THAP12: variants seen among roughly 807,000 people sequenced by gnomAD.
THAP12 encodes the protein THAP domain containing 12.
Under a neutral mutation model 63.0 loss-of-function variants are expected in THAP12, and 20 were observed. The ratio of observed to expected loss-of-function variants is 0.32; its 90% CI spans 0.22 to 0.46. The LOEUF is 0.46. Among genes scored for constraint, THAP12 ranks in the 20% least tolerant of loss-of-function variants. The pLI is 1.00. For synonymous variants in THAP12, 264 were observed against 328.4 expected (o/e 0.80, Z 2.12); for missense variants, 568 against 908.2 (o/e 0.63, Z 4.81).
intron 1 of THAP12, among the ~76,000 whole-genome samples, chr11:76,380,227 T>C (rs943940623): frequency 2.6e-5 from 4 of 151,570 alleles, no homozygotes; most frequent in Non-Finnish European, 5.9e-5. Context: ...AGCCAGAAAA[T>C]GAATCCTGAA....
intron 2 of THAP12, chr11:76,361,415 C>G: frequency 5.6e-6 from 1 of 178,608 alleles, no homozygotes; most frequent in South Asian, 1.4e-4. Context: ...CCAAAATAAT[C>G]TGCACTCTTG....
rs760853641 is a variant in THAP12 at position 76,351,973 on chromosome 11, G to C, written c.1177C>G (p.Arg393Gly). 2.5e-5 allele frequency: 40 copies of C among 1,604,684 alleles called. No homozygotes were observed. The highest frequency in any genetic ancestry group is 2.5e-5 in the Non-Finnish European group (30 of 1,177,456). The change falls in exon 5 of 5, where the codon CGA (arginine) becomes GGA (glycine). Residue 393 changes from arginine (R) to glycine (G), a missense_variant. Transcript: ENST00000260045. ...AGTTCTAAAAGCAGTTGTGGTGATC[G>C]ATGGAAAAAAGAACAAACTTCCTCA... ...TIEEVCSFFH[R>G]SPQLLLELDN...
chr11:76,355,468 G>A lies in THAP12; in HGVS notation c.355+150C>T, dbSNP rs111853289. The stretch of plus-strand genomic sequence containing the variant: ...ACTAAAATTAGACTTTAGTCTCATA[G>A]ATAATTCCAAAACACAGGACAAAAT... On this transcript the variant is annotated intron_variant, in intron 4 of 4. Transcript: ENST00000260045. 1.2e-4 allele frequency: 81 copies of A among 671,394 alleles called. No homozygotes were observed. The African/African-American group carries it at 1.3e-3, about 11-fold the overall frequency. 41.6% of individuals were successfully genotyped at this position (671,394 alleles called of 1,614,324 possible).
In THAP12 at chr11:76,362,105, A is replaced by G. The variant is rs555339006; in HGVS notation, c.211-1042T>C. On this transcript the variant is annotated intron_variant, in intron 2 of 4. Transcript: ENST00000260045. Reference sequence around the variant, plus strand: ...ACTGCCAGCCCTGAGGAGGCTGAGTAAAAGACAAGAAGCTTATTAAGAGGG... The same window carrying G: ...ACTGCCAGCCCTGAGGAGGCTGAGTGAAAGACAAGAAGCTTATTAAGAGGG... 2.4e-3 allele frequency among the ~76,000 whole-genome samples: 370 copies of G among 152,320 alleles called. 2 individuals carry two copies. The highest frequency in any genetic ancestry group is 8.8e-3 in the African/African-American group (365 of 41,572).
At chr11:76,364,808 T>A (rs1283226974) in intron 2 of THAP12, among the ~76,000 whole-genome samples, 3 of 152,120 alleles carry the variant, frequency 2.0e-5, no homozygotes, top group African/African-American at 7.2e-5. Context: ...ACATAAAAAT[T>A]AAAAGTTGGT....
rs183238365 is a variant in THAP12 at position 76,376,456 on chromosome 11, A to T, written c.89+4292T>A. On this transcript the variant is annotated intron_variant, in intron 1 of 4. Coordinates refer to ENST00000260045, the MANE Select transcript of THAP12 (RefSeq NM_004705.4). Reference sequence around the variant, plus strand: ...GTCCACTCAATACAAGGAAGAAACAACAGCCAAAGCGTCCAGAATCATCAC... The same window carrying T: ...GTCCACTCAATACAAGGAAGAAACATCAGCCAAAGCGTCCAGAATCATCAC... Among the ~76,000 whole-genome samples, 585 of 152,286 alleles carry T rather than the reference A, an allele frequency of 3.8e-3. 2 individuals are homozygous for T. The highest frequency in any genetic ancestry group is 0.013 in the African/African-American group (560 of 41,552).
chr11:76,368,573 C>G (rs747139970), intron 1 of THAP12: 8 of 152,136 alleles, frequency 5.3e-5, no homozygotes, highest in Non-Finnish European at 1.0e-4. Flanking sequence ...TACTGTAAAG[C>G]TTATTAAGAC....
rs1374170136 is a variant in THAP12 at position 76,370,878 on chromosome 11, CAT to C, written c.90-4908_90-4907del. Among the ~76,000 whole-genome samples the C allele has an allele frequency of 4.8e-4, 71 of 148,932 alleles. No individual in the cohort carries two copies. In the East Asian group the frequency reaches 0.012, roughly 25 times the overall value. Reference sequence around the variant, plus strand: ...TATATGACCACAATAAGTGTTTTCACATGTGTATTCATATGTGTATTATGAAT... The same window carrying C: ...TATATGACCACAATAAGTGTTTTCACGTGTATTCATATGTGTATTATGAAT... On this transcript the variant is annotated intron_variant, in intron 1 of 4. Coordinates refer to ENST00000260045, the MANE Select transcript of THAP12 (RefSeq NM_004705.4).
At chr11:76,361,651 C>T (rs1472149280) in intron 2 of THAP12, among the ~76,000 whole-genome samples, 1 of 152,118 alleles carries the variant, frequency 6.6e-6, no homozygotes, top group Non-Finnish European at 1.5e-5. Context: ...TGAACTAGAT[C>T]AACATTTCCT....
chr11:76,371,846 CTT>C (rs1286180404), intron 1 of THAP12, among the ~76,000 whole-genome samples: 4 of 108,350 alleles, frequency 3.7e-5, no homozygotes, highest in Non-Finnish European at 6.8e-5. Context: ...GAGTCTTGCT[CTT>C]GTCGCTCAGG....
intron 3 of THAP12, chr11:76,359,267 T>C (rs1283181637): frequency 5.3e-5 from 8 of 152,192 alleles, no homozygotes; most frequent in Non-Finnish European, 1.2e-4. Context: ...ATTCTAATAT[T>C]CTTTTCAAAA....
At position 76,381,131 on chromosome 11, in the gene THAP12, G is replaced by C. The variant is rs1946758003; in HGVS notation, c.-295C>G. On this transcript the variant is annotated 5_prime_UTR_variant, in exon 1 of 5. Transcript: ENST00000260045. ...GACGCTGCCGCCTCCTTCCCACAAT[G>C]CACCCTGACGCCCGGGGGTGCCCTC... Among the ~76,000 whole-genome samples, 1 of 152,012 alleles carries C rather than the reference G, an allele frequency of 6.6e-6. No homozygotes were observed.
At chr11:76,371,769 G>T (rs927995130) in intron 1 of THAP12, among the ~76,000 whole-genome samples, 39 of 150,956 alleles carry the variant, frequency 2.6e-4, no homozygotes, top group African/African-American at 9.3e-4. Flanking sequence ...CAAATCCAAC[G>T]GTCACTTTCC....
At chr11:76,379,440 C>G (rs2134521039) in intron 1 of THAP12, among the ~76,000 whole-genome samples, 1 of 152,262 alleles carries the variant, frequency 6.6e-6, no homozygotes. Flanking sequence ...AAGGTCCTAC[C>G]TAAAGAATTT....
At chr11:76,366,046 A>G in intron 1 of THAP12, 74 bp from the exon 2 acceptor site, 1 of 1,494,218 alleles carries the variant, frequency 6.7e-7, no homozygotes, top group Non-Finnish European at 9.1e-7. Flanking sequence ...TTTAAGGCAA[A>G]CATACATTAA....
At chr11:76,376,149 G>A (rs776079523) in intron 1 of THAP12, among the ~76,000 whole-genome samples, 5 of 152,178 alleles carry the variant, frequency 3.3e-5, no homozygotes, top group African/African-American at 4.8e-5. Context: ...GCACAACACT[G>A]TGAATGTAAT....
In THAP12 at chr11:76,352,593, T is replaced by G. The variant is rs748429463; in HGVS notation, c.557A>C (p.His186Pro). The G allele has an allele frequency of 1.2e-6, 2 of 1,612,004 alleles. No individual in the cohort carries two copies. Among genetic ancestry groups the G allele is most frequent in the Admixed American group, 1.7e-5 (1 of 60,012 alleles). ...MGKQNIPLDG[H>P]EADEIPEGLF... is the part of the protein sequence containing the mutation. Reference sequence around the variant, plus strand: ...ACCTTCTGGGATTTCATCAGCCTCATGTCCATCCAGAGGTATGTTTTGCTT... The same window carrying G: ...ACCTTCTGGGATTTCATCAGCCTCAGGTCCATCCAGAGGTATGTTTTGCTT... The change falls in exon 5 of 5, where the codon CAT becomes CCT. Residue 186 changes from histidine to proline, a missense_variant. Physicochemically the swap from His to Pro is moderately conservative, Grantham distance 77. Transcript: ENST00000260045.
At chr11:76,376,726 T>C (rs1445316506) in intron 1 of THAP12, among the ~76,000 whole-genome samples, 1 of 149,614 alleles carries the variant, frequency 6.7e-6, no homozygotes, top group Non-Finnish European at 1.5e-5. Flanking sequence ...AATTCCAGTA[T>C]TTCAAGTGAG....
intron 1 of THAP12, among the ~76,000 whole-genome samples, chr11:76,372,467 T>C (rs1946681499): frequency 6.6e-6 from 1 of 150,456 alleles, no homozygotes; most frequent in African/African-American, 2.5e-5. Context: ...TGTAGCACAC[T>C]GGTGCAATCA....
Sources: gnomAD v4.1 joint callset for allele counts (sites outside exome capture counted in the v4.1 genomes callset) on GRCh38, gnomAD v4.1.1 for gene constraint, MANE v1.5 for transcripts, NCBI Gene and HGNC (gene_info 2026-07-23, HGNC 2026-07-21) for gene names.